The following ABCC4 variants were observed in gnomAD, a reference collection of about 807,000 sequenced individuals.
The protein encoded by ABCC4 is ATP-binding cassette sub-family C member 4.
ABCC4 carries 102 observed loss-of-function variants against 168.5 expected under a neutral mutation model. The ratio of observed to expected loss-of-function variants is 0.61; its 90% confidence interval spans 0.52 to 0.71. ABCC4 has a LOEUF of 0.71. Among genes scored for constraint, ABCC4 ranks in the 30% least tolerant of loss-of-function variants. The pLI, the probability that ABCC4 is intolerant of heterozygous loss-of-function variation, is 0.00. For missense variants in ABCC4, 1,402 were observed against 1,605.8 expected, an observed-to-expected ratio of 0.87 and a Z score of 2.17; for synonymous variants, 617 against 590.7, an observed-to-expected ratio of 1.04 and a Z score of -0.65.
At chr13:95,261,726 G>T (rs1395398300) in intron 1 of ABCC4, among the ~76,000 whole-genome samples, 5 of 152,220 alleles carry the variant, frequency 3.3e-5, no homozygotes, top group African/African-American at 1.2e-4. Context: ...CATTAGAGGT[G>T]CAAGATGTAC....
intron 3 of ABCC4, among the ~76,000 whole-genome samples, chr13:95,243,995 G>A (rs939816073): frequency 5.3e-5 from 8 of 151,870 alleles, no homozygotes; most frequent in Admixed American, 3.3e-4. Context: ...CTGACTTTCC[G>A]GCACCAGGAC....
At chr13:95,135,743 C>T (rs1330229935) in intron 19 of ABCC4, among the ~76,000 whole-genome samples, 1 of 152,142 alleles carries the variant, frequency 6.6e-6, no homozygotes, top group Non-Finnish European at 1.5e-5. Flanking sequence ...ATGTTGCTCA[C>T]ATTCTAAACA....
intron 21 of ABCC4, among the ~76,000 whole-genome samples, chr13:95,078,073 ACTTTTAGGGGCC>A (rs2033969233): frequency 6.6e-6 from 1 of 152,122 alleles, no homozygotes; most frequent in Non-Finnish European, 1.5e-5. Flanking sequence ...GGGGGCACTA[ACTTTTAGGGGCC>A]CTCTCCTGTG....
chr13:95,154,167 T>C (rs1311225691), intron 19 of ABCC4, among the ~76,000 whole-genome samples: 1 of 152,208 alleles, frequency 6.6e-6, no homozygotes, highest in East Asian at 1.9e-4. Context: ...TTGTTATTAT[T>C]AACAAGAAAA....
intron 1 of ABCC4, among the ~76,000 whole-genome samples, chr13:95,258,067 C>T (rs2389226): frequency 0.33 from 50,587 of 152,094 alleles, 9,063 homozygotes; most frequent in East Asian, 0.5. Context: ...CCCATTTGTC[C>T]CAACAAGAAC....
intron 19 of ABCC4, among the ~76,000 whole-genome samples, chr13:95,157,297 C>G (rs907572078): frequency 3.3e-5 from 5 of 149,388 alleles, no homozygotes; most frequent in African/African-American, 1.2e-4. Context: ...ATCTCAGTAC[C>G]AATAGGAGGT....
At chr13:95,186,615 A>C in intron 11 of ABCC4, 86 bp downstream of exon 11, 2 of 1,328,742 alleles carry the variant, frequency 1.5e-6, no homozygotes, top group Non-Finnish European at 2.0e-6. Context: ...TTAAAAATTA[A>C]AAAAAAGTTA....
chr13:95,083,481 G>A (rs1329118639), intron 20 of ABCC4, among the ~76,000 whole-genome samples, 191 bp from the exon 21 acceptor site: 1 of 151,632 alleles, frequency 6.6e-6, no homozygotes, highest in Non-Finnish European at 1.5e-5. Context: ...CCTGCCATGT[G>A]CCAAACACTA....
intron 19 of ABCC4, among the ~76,000 whole-genome samples, chr13:95,133,241 G>A (rs2036035727): frequency 6.7e-6 from 1 of 149,260 alleles, no homozygotes; most frequent in African/African-American, 2.5e-5. Context: ...GGCCTCCCGA[G>A]TAGCTGGGAT....
At chr13:95,272,799 A>T (rs2040877621) in intron 1 of ABCC4, among the ~76,000 whole-genome samples, 1 of 152,196 alleles carries the variant, frequency 6.6e-6, no homozygotes, top group Admixed American at 6.5e-5. Flanking sequence ...GAGACAGGGG[A>T]ATCGCTTGAA....
At chr13:95,299,630 A>G (rs954609948) in intron 1 of ABCC4, among the ~76,000 whole-genome samples, 18 of 152,006 alleles carry the variant, frequency 1.2e-4, no homozygotes, top group Non-Finnish European at 2.1e-4. Context: ...TATTTTATGT[A>G]TGGCCCAAGA....
intron 20 of ABCC4, among the ~76,000 whole-genome samples, chr13:95,109,775 T>G (rs1270576074): frequency 2.6e-5 from 4 of 152,200 alleles, no homozygotes; most frequent in Non-Finnish European, 4.4e-5. Flanking sequence ...GCATGGTAAC[T>G]GCTTTCTATC....
intron 1 of ABCC4, among the ~76,000 whole-genome samples, chr13:95,299,907 T>C (rs9524895): frequency 0.49 from 74,914 of 151,990 alleles, 21,103 homozygotes; most frequent in East Asian, 0.62. Flanking sequence ...AGTGGGGCGA[T>C]CTCAGCTCAC....
At chr13:95,173,679 A>C (rs2037559742) in intron 13 of ABCC4, among the ~76,000 whole-genome samples, 1 of 152,220 alleles carries the variant, frequency 6.6e-6, no homozygotes, top group Non-Finnish European at 1.5e-5. Context: ...GCTTAAAAGT[A>C]GGGGAGTCCT....
chr13:95,238,696 C>T (rs1410699260), intron 3 of ABCC4, among the ~76,000 whole-genome samples: 9 of 152,224 alleles, frequency 5.9e-5, no homozygotes, highest in Admixed American at 5.2e-4. Context: ...GCTGGGACTA[C>T]AGGCACATGC....
chr13:95,262,656 G>A (rs959645019), intron 1 of ABCC4, among the ~76,000 whole-genome samples: 1 of 149,244 alleles, frequency 6.7e-6, no homozygotes, highest in Non-Finnish European at 1.5e-5. Context: ...TTCCCAAGAC[G>A]GAGTCTCACT....
chr13:95,073,403 A>G, intron 23 of ABCC4, 99 bp from the exon 24 acceptor site: 1 of 739,848 alleles, frequency 1.4e-6, no homozygotes, highest in Non-Finnish European at 2.2e-6. Flanking sequence ...TAATGTTGAA[A>G]CAATTCACAT....
intron 9 of ABCC4, among the ~76,000 whole-genome samples, chr13:95,189,778 T>G (rs1441585745): frequency 6.6e-6 from 1 of 152,044 alleles, no homozygotes; most frequent in Non-Finnish European, 1.5e-5. Context: ...TAGGTCAAAG[T>G]GAAAGTCTCA....
At chr13:95,260,861 C>G (rs1408711620) in intron 1 of ABCC4, among the ~76,000 whole-genome samples, 1 of 151,840 alleles carries the variant, frequency 6.6e-6, no homozygotes, top group Admixed American at 6.6e-5. Flanking sequence ...TTCACCAATA[C>G]AGTGACTTGC....
Sources: allele counts gnomAD v4.1 joint callset (sites outside exome capture counted in the v4.1 genomes callset), GRCh38; gene constraint gnomAD v4.1.1; transcripts MANE v1.5; gene names NCBI Gene and HGNC (gene_info 2026-07-23, HGNC 2026-07-21).